NCAM1: variants seen among roughly 807,000 people sequenced by gnomAD.
The protein encoded by NCAM1 is neural cell adhesion molecule 1, also known as antigen recognized by monoclonal antibody 5.1H11.
NCAM1 carries 14 observed loss-of-function variants against 109.8 expected under a neutral mutation model. That is an observed-to-expected ratio of 0.13 (90% CI 0.08 to 0.20). NCAM1 has a LOEUF of 0.20. NCAM1 is among the 10% of genes least tolerant of loss of function. NCAM1 has a pLI of 1.00. For synonymous variants in NCAM1, 418 were observed against 442.9 expected (o/e 0.94, Z 0.70); for missense variants, 774 against 1,109.9 (o/e 0.70, Z 4.30).
intron 1 of NCAM1, among the ~76,000 whole-genome samples, chr11:113,111,080 C>T (rs1435865182): frequency 6.6e-6 from 1 of 152,192 alleles, no homozygotes; most frequent in Non-Finnish European, 1.5e-5. Flanking sequence ...TGTCACACAA[C>T]TCATAGCACA....
chr11:113,251,200 T>C (rs189421964), intron 15 of NCAM1, among the ~76,000 whole-genome samples: 4 of 152,326 alleles, frequency 2.6e-5, no homozygotes, highest in Non-Finnish European at 2.9e-5. Context: ...GAGTGAGAAA[T>C]AGAATATTGT....
At chr11:113,047,197 G>T (rs1555081008) in intron 1 of NCAM1, among the ~76,000 whole-genome samples, 1 of 152,062 alleles carries the variant, frequency 6.6e-6, no homozygotes, top group African/African-American at 2.4e-5. Context: ...TAACAGATGA[G>T]CAAAGTAAAT....
intron 1 of NCAM1, among the ~76,000 whole-genome samples, chr11:113,150,388 G>A (rs1942182358): frequency 6.6e-6 from 1 of 152,210 alleles, no homozygotes; most frequent in Non-Finnish European, 1.5e-5. Flanking sequence ...GAAACTGCAT[G>A]AGTCCCTCGG....
In NCAM1 at chr11:113,275,247, G is replaced by A. The variant is rs782247509; in HGVS notation, c.2457-20G>A. The A allele has an allele frequency of 6.2e-7, 1 of 1,613,256 alleles. No individual in the cohort carries two copies. The highest frequency in any genetic ancestry group is 1.1e-5 in the South Asian group (1 of 90,918). On this transcript the variant is annotated intron_variant, in intron 19 of 19. Transcript: ENST00000316851. ...TGCAGACCGTGGTCTCAGTGGTTCTGTTTTCCTGATTCTCTGCAGGAAGGG... is the reference window on the plus strand; with the variant it reads ...TGCAGACCGTGGTCTCAGTGGTTCTATTTTCCTGATTCTCTGCAGGAAGGG...
intron 1 of NCAM1, among the ~76,000 whole-genome samples, chr11:112,982,047 G>A (rs1555068860): frequency 6.6e-6 from 1 of 151,880 alleles, no homozygotes; most frequent in Non-Finnish European, 1.5e-5. Context: ...TCCGCAAGAA[G>A]TTTGTAACTT....
chr11:113,212,642 A>AT (rs1164525497), intron 7 of NCAM1, among the ~76,000 whole-genome samples: 6 of 152,172 alleles, frequency 3.9e-5, no homozygotes, highest in East Asian at 3.9e-4. Context: ...GTATGGCCAC[A>AT]TTTTTTTTAA....
intron 14 of NCAM1, among the ~76,000 whole-genome samples, chr11:113,241,351 A>C (rs884110): frequency 0.35 from 53,716 of 152,084 alleles, 10,741 homozygotes; most frequent in South Asian, 0.52. Context: ...GAAAATAAAC[A>C]GTGTCTGGCA....
intron 1 of NCAM1, among the ~76,000 whole-genome samples, chr11:113,004,785 C>T (rs553092363): frequency 6.6e-6 from 1 of 151,802 alleles, no homozygotes; most frequent in South Asian, 2.1e-4. Context: ...AAACCCCAAA[C>T]CCTCAATTCT....
intron 1 of NCAM1, among the ~76,000 whole-genome samples, chr11:113,110,325 AT>A (rs1555093404): frequency 1.3e-5 from 2 of 152,180 alleles, no homozygotes; most frequent in African/African-American, 4.8e-5. Flanking sequence ...TCATAAACTC[AT>A]TTCACCCCAG....
intron 9 of NCAM1, among the ~76,000 whole-genome samples, chr11:113,224,063 T>C (rs543944238): frequency 6.6e-5 from 10 of 152,244 alleles, no homozygotes; most frequent in African/African-American, 2.2e-4. Context: ...TTCATCTCAC[T>C]GGGGACTGTC....
intron 1 of NCAM1, among the ~76,000 whole-genome samples, chr11:113,127,488 A>C (rs1293158136): frequency 1.3e-5 from 2 of 152,236 alleles, no homozygotes; most frequent in Admixed American, 1.3e-4. Flanking sequence ...GTAAAAAGAA[A>C]GGAATGAAGA....
At chr11:113,013,242 C>T (rs1952116526) in intron 1 of NCAM1, among the ~76,000 whole-genome samples, 1 of 151,870 alleles carries the variant, frequency 6.6e-6, no homozygotes, top group South Asian at 2.1e-4. Flanking sequence ...GCCTGGCCAA[C>T]ATGGTGAGAC....
chr11:113,018,134 T>C (rs953127255), intron 1 of NCAM1, among the ~76,000 whole-genome samples: 7 of 152,070 alleles, frequency 4.6e-5, no homozygotes, highest in African/African-American at 1.4e-4. Context: ...GCTTGTGGAA[T>C]GCCATGGCAT....
At chr11:113,036,710 A>T (rs1426729606) in intron 1 of NCAM1, among the ~76,000 whole-genome samples, 2 of 151,880 alleles carry the variant, frequency 1.3e-5, no homozygotes, top group Non-Finnish European at 2.9e-5. Context: ...AATTCTCACT[A>T]TCCTTGCAAA....
intron 1 of NCAM1, among the ~76,000 whole-genome samples, chr11:113,086,492 C>T (rs1477653267): frequency 1.3e-5 from 2 of 152,178 alleles, no homozygotes; most frequent in Non-Finnish European, 2.9e-5. Flanking sequence ...GAAGATTAAA[C>T]AGCTATATCT....
intron 1 of NCAM1, among the ~76,000 whole-genome samples, chr11:112,982,771 G>A (rs1555068961): frequency 2.6e-5 from 4 of 151,652 alleles, no homozygotes; most frequent in African/African-American, 9.7e-5. Context: ...GGGAAAATAG[G>A]GACTTTTAAT....
chr11:113,171,100 T>C (rs1942974545), intron 1 of NCAM1, among the ~76,000 whole-genome samples: 1 of 152,218 alleles, frequency 6.6e-6, no homozygotes, highest in African/African-American at 2.4e-5. Flanking sequence ...GCTGTGACCT[T>C]ATTTATTCAT....
intron 1 of NCAM1, among the ~76,000 whole-genome samples, chr11:113,127,687 G>C (rs898468324): frequency 2.6e-5 from 4 of 152,128 alleles, no homozygotes; most frequent in Non-Finnish European, 5.9e-5. Flanking sequence ...TCCACTAAAA[G>C]AAAAAGGAAT....
chr11:113,169,285 A>G (rs1435357639), intron 1 of NCAM1, among the ~76,000 whole-genome samples: 1 of 152,122 alleles, frequency 6.6e-6, no homozygotes, highest in Non-Finnish European at 1.5e-5. Context: ...ACTTGCCTTT[A>G]TTGGTGGAAC....
Sources: gnomAD v4.1 joint callset for allele counts (sites outside exome capture counted in the v4.1 genomes callset) on GRCh38, gnomAD v4.1.1 for gene constraint, MANE v1.5 for transcripts, NCBI Gene and HGNC (gene_info 2026-07-23, HGNC 2026-07-21) for gene names.